PSMA1: variants seen among roughly 807,000 people sequenced by gnomAD.
The protein encoded by PSMA1 is proteasome 20S subunit alpha 1.
A neutral mutation model predicts 38.4 loss-of-function variants in PSMA1; 3 were observed. The ratio of observed to expected loss-of-function variants is 0.08; its 90% CI spans 0.04 to 0.20. The LOEUF (loss-of-function observed/expected upper bound fraction) is 0.20. Among genes scored for constraint, PSMA1 ranks in the 10% least tolerant of loss-of-function variants. The pLI, the probability that PSMA1 is intolerant of heterozygous loss-of-function variation, is 1.00. For missense variants in PSMA1, 227 were observed against 325.3 expected (o/e 0.70, Z 2.32); for synonymous variants, 101 against 107.1 (o/e 0.94, Z 0.35).
intron 1 of PSMA1, among the ~76,000 whole-genome samples, chr11:14,633,359 C>CAGG (rs2133722048): frequency 6.6e-6 from 1 of 152,210 alleles, no homozygotes; most frequent in Admixed American, 6.5e-5. Flanking sequence ...TTCTAACAGA[C>CAGG]AGGACCCTCA....
At chr11:14,572,142 C>T (rs565097355) in intron 2 of PSMA1, among the ~76,000 whole-genome samples, 1 of 152,294 alleles carries the variant, frequency 6.6e-6, no homozygotes, top group Admixed American at 6.5e-5. Flanking sequence ...AGGAATTGAA[C>T]TCAGCTCCAC....
chr11:14,613,530 A>G (rs1406899985), intron 1 of PSMA1, among the ~76,000 whole-genome samples: 1 of 152,126 alleles, frequency 6.6e-6, no homozygotes, highest in East Asian at 1.9e-4. Flanking sequence ...CTGGGATTAT[A>G]GGCGTGAGCA....
intron 2 of PSMA1, among the ~76,000 whole-genome samples, chr11:14,566,845 C>T (rs1852078121): frequency 1.3e-5 from 2 of 152,100 alleles, no homozygotes; most frequent in South Asian, 4.1e-4. Flanking sequence ...AGAAGATAAC[C>T]AAGACAAATC....
chr11:14,564,236 CAT>C (rs1852042827), intron 2 of PSMA1, among the ~76,000 whole-genome samples: 1 of 152,182 alleles, frequency 6.6e-6, no homozygotes, highest in East Asian at 1.9e-4. Flanking sequence ...CTGGTAGCCA[CAT>C]ATGTTCTTTG....
chr11:14,561,755 A>G (rs577634121), intron 2 of PSMA1, among the ~76,000 whole-genome samples: 14 of 152,258 alleles, frequency 9.2e-5, no homozygotes, highest in African/African-American at 3.4e-4. Context: ...ACCTGCACAA[A>G]AGGACAACAG....
chr11:14,573,507 A>G (rs374843870), intron 2 of PSMA1, among the ~76,000 whole-genome samples: 1 of 152,160 alleles, frequency 6.6e-6, no homozygotes, highest in Non-Finnish European at 1.5e-5. Context: ...TTGATGGGAC[A>G]TATCTCAAAA....
At chr11:14,516,039 G>A (rs545938580) in intron 4 of PSMA1, among the ~76,000 whole-genome samples, 10 of 151,580 alleles carry the variant, frequency 6.6e-5, no homozygotes, top group East Asian at 4.0e-4. Context: ...GTGAAACCTC[G>A]TCTCTACTAA....
At chr11:14,622,590 T>G (rs1442481197) in intron 1 of PSMA1, among the ~76,000 whole-genome samples, 1 of 152,208 alleles carries the variant, frequency 6.6e-6, no homozygotes, top group African/African-American at 2.4e-5. Context: ...TGACAAGATA[T>G]CCCCTTCAAA....
chr11:14,514,888 A>G (rs1851400710), intron 4 of PSMA1, among the ~76,000 whole-genome samples: 1 of 152,182 alleles, frequency 6.6e-6, no homozygotes, highest in Non-Finnish European at 1.5e-5. Flanking sequence ...GCAGACTAAC[A>G]TTTCTCCAAA....
At chr11:14,617,986 A>G (rs2134202047) in intron 1 of PSMA1, among the ~76,000 whole-genome samples, 2 of 152,326 alleles carry the variant, frequency 1.3e-5, no homozygotes, top group South Asian at 4.1e-4. Context: ...TGTAGCATAG[A>G]AACTATGTTC....
chr11:14,547,948 G>A (rs1395248544), intron 2 of PSMA1, among the ~76,000 whole-genome samples: 1 of 152,070 alleles, frequency 6.6e-6, no homozygotes. Context: ...AGGTCCCAGA[G>A]TAGAGGAGGA....
chr11:14,642,859 C>T (rs1853234314), intron 1 of PSMA1, among the ~76,000 whole-genome samples: 2 of 152,156 alleles, frequency 1.3e-5, no homozygotes, highest in Admixed American at 1.3e-4. Context: ...CCTTCAAGGC[C>T]TGCTGATCCA....
chr11:14,528,024 T>C (rs1036827888), intron 2 of PSMA1, among the ~76,000 whole-genome samples: 1 of 152,110 alleles, frequency 6.6e-6, no homozygotes, highest in Non-Finnish European at 1.5e-5. Context: ...TAGCTGTTTC[T>C]AATCCTTCTT....
intron 1 of PSMA1, among the ~76,000 whole-genome samples, chr11:14,634,927 T>TA (rs1184912341): frequency 6.6e-6 from 1 of 152,216 alleles, no homozygotes; most frequent in Non-Finnish European, 1.5e-5. Context: ...TTTTGATTGT[T>TA]AGAGAAACTT....
At chr11:14,579,964 G>C (rs1410697160) in intron 2 of PSMA1, among the ~76,000 whole-genome samples, 2 of 152,182 alleles carry the variant, frequency 1.3e-5, no homozygotes, top group African/African-American at 4.8e-5. Flanking sequence ...GCTGAGGAAA[G>C]GGAGAGAAAA....
At chr11:14,592,846 C>G (rs952872372) in intron 2 of PSMA1, among the ~76,000 whole-genome samples, 1 of 152,204 alleles carries the variant, frequency 6.6e-6, no homozygotes, top group African/African-American at 2.4e-5. Flanking sequence ...AGATAAAATG[C>G]CTTCCTCAGA....
intron 4 of PSMA1, among the ~76,000 whole-genome samples, chr11:14,515,635 C>T (rs1407192832): frequency 1.3e-5 from 2 of 151,468 alleles, no homozygotes; most frequent in Non-Finnish European, 2.9e-5. Context: ...CTCACTGCAA[C>T]CTCTGCCTCC....
intron 8 of PSMA1, among the ~76,000 whole-genome samples, chr11:14,509,365 T>C (rs1851301497): frequency 6.6e-6 from 1 of 152,174 alleles, no homozygotes; most frequent in Non-Finnish European, 1.5e-5. Context: ...ATATCCAAAA[T>C]TGAACCACTA....
intron 2 of PSMA1, among the ~76,000 whole-genome samples, chr11:14,518,638 C>T (rs942537838): frequency 1.3e-5 from 2 of 152,066 alleles, no homozygotes; most frequent in African/African-American, 4.8e-5. Context: ...TAGATCTTTC[C>T]ACTTGCTCAA....
Sources: allele counts gnomAD v4.1 joint callset (sites outside exome capture counted in the v4.1 genomes callset), GRCh38; gene constraint gnomAD v4.1.1; transcripts MANE v1.5; gene names NCBI Gene and HGNC (gene_info 2026-07-23, HGNC 2026-07-21).